The following AGMO variants were observed in gnomAD, a reference collection of about 807,000 sequenced individuals.
AGMO encodes the protein alkylglycerol monooxygenase, also known as glyceryl-ether monooxygenase.
A neutral mutation model predicts 60.2 loss-of-function variants in AGMO; 75 were observed. The observed-to-expected ratio is 1.25, with a 90% CI of 1.03 to 1.51. The LOEUF (loss-of-function observed/expected upper bound fraction) is 1.51, where lower values mean the gene tolerates loss of function less well. Ranked by LOEUF, AGMO falls within the 40% of genes most tolerant of loss-of-function variation. The pLI is 0.00. For missense variants in AGMO, 763 were observed against 525.5 expected (o/e 1.45, Z -4.42); for synonymous variants, 261 against 177.1 (o/e 1.47, Z -3.76).
chr7:15,217,345 C>T (rs926377930), intron 12 of AGMO, among the ~76,000 whole-genome samples: 1 of 148,456 alleles, frequency 6.7e-6, no homozygotes, highest in Admixed American at 6.8e-5. Flanking sequence ...TGAACACATA[C>T]ATAATCTCTC....
intron 12 of AGMO, among the ~76,000 whole-genome samples, chr7:15,340,166 G>A (rs1003213021): frequency 5.9e-5 from 9 of 152,118 alleles, no homozygotes; most frequent in South Asian, 4.1e-4. Flanking sequence ...CTATATACAC[G>A]TTATACACAT....
At chr7:15,308,508 A>T (rs772421444) in intron 12 of AGMO, among the ~76,000 whole-genome samples, 1 of 151,942 alleles carries the variant, frequency 6.6e-6, no homozygotes, top group Non-Finnish European at 1.5e-5. Context: ...TTGTTGTCTC[A>T]TTTGCTTGTA....
At chr7:15,548,250 G>T (rs1272344834) in intron 2 of AGMO, among the ~76,000 whole-genome samples, 2 of 152,076 alleles carry the variant, frequency 1.3e-5, no homozygotes, top group Admixed American at 6.5e-5. Flanking sequence ...ACTCTAAAAC[G>T]CAGAGCACCT....
intron 12 of AGMO, among the ~76,000 whole-genome samples, chr7:15,274,217 G>A (rs1364503775): frequency 1.3e-5 from 2 of 152,110 alleles, no homozygotes; most frequent in East Asian, 3.9e-4. Context: ...CAAAGGGAAT[G>A]TTTCCAGTTT....
At chr7:15,142,915 TGG>T in the AGMO span, among the ~76,000 whole-genome samples, 1 of 152,208 alleles carries the variant, frequency 6.6e-6, no homozygotes, top group African/African-American at 2.4e-5. Context: ...AACCACGTTA[TGG>T]AATCTAGGTA....
At chr7:15,403,150 G>C (rs921279899) in intron 5 of AGMO, among the ~76,000 whole-genome samples, 10 of 151,674 alleles carry the variant, frequency 6.6e-5, no homozygotes, top group Non-Finnish European at 1.5e-4. Flanking sequence ...TAATCAATTT[G>C]AACTTATAAT....
chr7:15,337,139 T>C (rs1331386240), intron 12 of AGMO, among the ~76,000 whole-genome samples: 1 of 152,144 alleles, frequency 6.6e-6, no homozygotes, highest in Non-Finnish European at 1.5e-5. Flanking sequence ...GCAAGGACTT[T>C]TGAATGAGGA....
intron 12 of AGMO, among the ~76,000 whole-genome samples, chr7:15,280,535 C>A (rs1346180649): frequency 6.6e-6 from 1 of 152,176 alleles, no homozygotes; most frequent in Non-Finnish European, 1.5e-5. Context: ...ACACAAAGGA[C>A]AGAAACTTTT....
chr7:15,395,768 C>G (rs1050381497), intron 5 of AGMO, among the ~76,000 whole-genome samples: 3 of 152,178 alleles, frequency 2.0e-5, no homozygotes, highest in African/African-American at 7.2e-5. Context: ...ACTAATCCAA[C>G]TGAAAATAAT....
At chr7:15,214,921 C>CT (rs1781690979) in intron 12 of AGMO, among the ~76,000 whole-genome samples, 11 of 152,016 alleles carry the variant, frequency 7.2e-5, no homozygotes, top group Admixed American at 6.6e-4. Flanking sequence ...CTGCCTACAT[C>CT]TTTTTGTATC....
At chr7:15,516,669 G>A (rs1783815275) in intron 3 of AGMO, among the ~76,000 whole-genome samples, 1 of 151,958 alleles carries the variant, frequency 6.6e-6, no homozygotes, top group Admixed American at 6.6e-5. Context: ...TGGACACTTA[G>A]CTCAATTCAT....
chr7:15,325,955 G>A (rs545362442), intron 12 of AGMO, among the ~76,000 whole-genome samples: 2 of 152,108 alleles, frequency 1.3e-5, no homozygotes, highest in South Asian at 4.2e-4. Flanking sequence ...GCAAGAGGAA[G>A]AAACAAACCA....
At chr7:15,185,511 G>C in the AGMO span, among the ~76,000 whole-genome samples, 1 of 152,138 alleles carries the variant, frequency 6.6e-6, no homozygotes, top group East Asian at 1.9e-4. Context: ...TTTGGTACTA[G>C]GTGATCTATG....
chr7:15,268,994 A>G (rs1783516718), intron 12 of AGMO, among the ~76,000 whole-genome samples: 1 of 152,194 alleles, frequency 6.6e-6, no homozygotes, highest in South Asian at 2.1e-4. Context: ...GGATCGTTTT[A>G]CAATGGTTTA....
chr7:15,343,199 A>G (rs1456675157), intron 12 of AGMO, among the ~76,000 whole-genome samples: 1 of 152,154 alleles, frequency 6.6e-6, no homozygotes, highest in African/African-American at 2.4e-5. Context: ...CCACTGTAAA[A>G]TGATCAATTC....
intron 3 of AGMO, among the ~76,000 whole-genome samples, chr7:15,488,774 C>T (rs1382209535): frequency 6.6e-6 from 1 of 151,188 alleles, no homozygotes; most frequent in East Asian, 1.9e-4. Context: ...TATTTGTGCC[C>T]AAGCTTAGTT....
At chr7:15,289,152 A>T (rs1784185173) in intron 12 of AGMO, among the ~76,000 whole-genome samples, 3 of 152,150 alleles carry the variant, frequency 2.0e-5, no homozygotes, top group Non-Finnish European at 4.4e-5. Flanking sequence ...CCCCATACAT[A>T]AAGCAATTTA....
At chr7:15,380,852 G>A (rs933253381) in intron 10 of AGMO, among the ~76,000 whole-genome samples, 4 of 152,110 alleles carry the variant, frequency 2.6e-5, no homozygotes, top group African/African-American at 7.2e-5. Flanking sequence ...CAATGGAACA[G>A]AACAGAGAAC....
At chr7:15,475,294 A>G (rs1472177548) in intron 3 of AGMO, among the ~76,000 whole-genome samples, 1 of 152,164 alleles carries the variant, frequency 6.6e-6, no homozygotes, top group Non-Finnish European at 1.5e-5. Flanking sequence ...ACCAATCCAA[A>G]TGCCCATCAA....
Sources: allele counts gnomAD v4.1 joint callset (sites outside exome capture counted in the v4.1 genomes callset), GRCh38; gene constraint gnomAD v4.1.1; transcripts MANE v1.5; gene names NCBI Gene and HGNC (gene_info 2026-07-23, HGNC 2026-07-21).